Variants in RHOBTB2 observed in about 807,000 individuals in gnomAD.
RHOBTB2 encodes Rho related BTB domain containing 2, also known as rho-related BTB domain-containing protein 2.
Under a neutral mutation model 66.5 loss-of-function variants are expected in RHOBTB2, and 39 were observed. The ratio of observed to expected loss-of-function variants is 0.59; its 90% CI spans 0.45 to 0.77. The LOEUF is 0.77. RHOBTB2 is among the 30% of genes least tolerant of loss of function. The pLI, the probability that RHOBTB2 is intolerant of heterozygous loss-of-function variation, is 0.00. For synonymous variants in RHOBTB2, 390 were observed against 395.0 expected (o/e 0.99, Z 0.15); for missense variants, 755 against 999.1 (o/e 0.76, Z 3.29).
At position 23,006,239 on chromosome 8, in the gene RHOBTB2, C is replaced by A; in HGVS notation, c.482+94C>A. ...GGGGGAATTCCACTGAGCCTCATAT[C>A]TCTCCCTCCATTTGGAGCAAGCTTG... On this transcript the variant is annotated intron_variant, in intron 4 of 9. Transcript: ENST00000251822. The surrounding 1 kb of genome is among the most constrained non-coding windows in gnomAD (Gnocchi z 6.1). The A allele has an allele frequency of 9.3e-7, 1 of 1,079,812 alleles. No individual in the cohort carries two copies. Among genetic ancestry groups the A allele is most frequent in the Admixed American group, 2.2e-5 (1 of 45,646 alleles). The allele number at this position is 1,079,812 out of a possible 1,614,324, so 66.9% of individuals were successfully genotyped here.
the RHOBTB2 span, among the ~76,000 whole-genome samples, chr8:22,978,417 G>A: frequency 3.3e-5 from 5 of 150,620 alleles, no homozygotes; most frequent in Non-Finnish European, 5.9e-5. Context: ...AGCCCGGGAG[G>A]TGGAGCTTGC....
upstream of RHOBTB2, among the ~76,000 whole-genome samples, chr8:22,985,299 G>A (rs1810267862): frequency 6.6e-6 from 1 of 152,266 alleles, no homozygotes; most frequent in South Asian, 2.1e-4. Flanking sequence ...GGGTGAAACA[G>A]TGAAAGGGAG....
chr8:22,994,530 C>T lies in RHOBTB2; in HGVS notation c.-23-31C>T, dbSNP rs3739377. The T allele has an allele frequency of 0.11, 153,684 of 1,384,776 alleles. 9,584 individuals are homozygous for T. Among genetic ancestry groups the T allele is most frequent in the East Asian group, 0.22 (8,953 of 40,160 alleles). 85.8% of individuals were successfully genotyped at this position (1,384,776 alleles called of 1,614,324 possible). ...TTTCTCCCCTCTGTCTCCCCTGCCC[C>T]GCCCCATCCACTCCTGTTCCTCACA... On this transcript the variant is annotated intron_variant, in intron 2 of 11. Coordinates refer to the RHOBTB2 transcript ENST00000519685.
Position 23,004,315 on chromosome 8 carries a change from C to G in RHOBTB2, c.-10-110C>G. 1 of 909,168 alleles carries G rather than the reference C, an allele frequency of 1.1e-6. No homozygotes were observed. The highest frequency in any genetic ancestry group is 1.5e-5 in the South Asian group (1 of 68,156). 56.3% of individuals were successfully genotyped at this position (909,168 alleles called of 1,614,324 possible). A position where few individuals can be genotyped will look rare whatever the true frequency, so the allele number is the denominator to read the frequency against. On this transcript the variant is annotated intron_variant, in intron 1 of 9. Coordinates refer to ENST00000251822, the MANE Select transcript of RHOBTB2 (RefSeq NM_015178.3). The surrounding 1 kb of genome is among the most constrained non-coding windows in gnomAD (Gnocchi z 6.4). ...CACTCCTTCCTCCTCCTGTCAGCTC[C>G]GGGGCTTGCAGAGGGGGCAGCCTGG...
Position 23,017,166 on chromosome 8 carries a change from G to A in RHOBTB2, c.1967-86G>A, listed in dbSNP as rs1280679277. On this transcript the variant is annotated intron_variant, in intron 9 of 9. Transcript: ENST00000251822. This position sits in a 1 kb window ranked among gnomAD's most constrained non-coding sequence, Gnocchi z 5.3. ...GGGCTGGGCTGGAGGCCTGCTGCAG[G>A]CCTTGTGGTGGGGTAGGGCTGGTGT... is the stretch of plus-strand genomic sequence containing the variant. 6 of 1,550,880 alleles carry A rather than the reference G, an allele frequency of 3.9e-6. No individual in the cohort carries two copies. Among genetic ancestry groups the A allele is most frequent in the Non-Finnish European group, 5.3e-6 (6 of 1,137,176 alleles).
intron 7 of RHOBTB2, among the ~76,000 whole-genome samples, chr8:23,012,514 T>C (rs373272886): frequency 1.3e-5 from 2 of 152,256 alleles, no homozygotes; most frequent in Non-Finnish European, 2.9e-5. Context: ...TTGTGACATA[T>C]GCTTCCTATG....
At chr8:23,000,774 A>G (rs967083889) in intron 1 of RHOBTB2, among the ~76,000 whole-genome samples, 13 of 152,086 alleles carry the variant, frequency 8.5e-5, no homozygotes, top group Non-Finnish European at 1.3e-4. Flanking sequence ...CCAATTCTCC[A>G]TTCAATCCAT....
chr8:22,952,213 C>A, the RHOBTB2 span, among the ~76,000 whole-genome samples: 2 of 152,076 alleles, frequency 1.3e-5, no homozygotes, highest in Non-Finnish European at 2.9e-5. Context: ...TCCCACCTGG[C>A]GAGTATCTTG....
In RHOBTB2 at chr8:23,006,102, G is replaced by T; in HGVS notation, c.439G>T (p.Ala147Ser). Reference protein sequence around the residue: ...LVGCQLDLRYADLEAVNRARR... With the variant: ...LVGCQLDLRYSDLEAVNRARR... The stretch of plus-strand genomic sequence containing the variant: ...GGGCTGCCAGTTGGACCTGCGCTAC[G>T]CTGACCTGGAGGCTGTCAACAGGGC... Residue 147 changes from alanine (A) to serine (S), a missense_variant, in exon 4 of 10, where the codon GCT becomes TCT. Ala to Ser is a moderately conservative substitution (Grantham distance 99). Coordinates refer to ENST00000251822, the MANE Select transcript of RHOBTB2 (RefSeq NM_015178.3). This position sits in a 1 kb window ranked among gnomAD's most constrained non-coding sequence, Gnocchi z 6.1. The T allele has an allele frequency of 6.2e-7, 1 of 1,613,998 alleles. No individual in the cohort carries two copies. The highest frequency in any genetic ancestry group is 2.2e-5 in the East Asian group (1 of 44,876).
At chr8:22,951,244 C>CTTTT in the RHOBTB2 span, among the ~76,000 whole-genome samples, 13 of 87,970 alleles carry the variant, frequency 1.5e-4, no homozygotes, top group East Asian at 3.3e-4. Context: ...CTACTTAGCT[C>CTTTT]TTTTTTTTTT....
chr8:23,013,476 G>A (rs1342941238), intron 7 of RHOBTB2, among the ~76,000 whole-genome samples: 2 of 151,852 alleles, frequency 1.3e-5, no homozygotes, highest in Admixed American at 6.6e-5. Flanking sequence ...ACTACAGCAT[G>A]GTTTTTTGCA....
At chr8:22,988,235 C>T (rs1810334401) in intron 1 of RHOBTB2, among the ~76,000 whole-genome samples, 1 of 146,956 alleles carries the variant, frequency 6.8e-6, no homozygotes, top group African/African-American at 2.5e-5. Flanking sequence ...TCTCGGCCCA[C>T]TGCAAACTCC....
the RHOBTB2 span, among the ~76,000 whole-genome samples, chr8:22,960,808 A>T: frequency 1.3e-5 from 2 of 152,318 alleles, no homozygotes; most frequent in East Asian, 3.9e-4. Flanking sequence ...TCTGGGACTC[A>T]CAATCACTTT....
Position 23,007,747 on chromosome 8 carries a change from G to A in RHOBTB2, c.1501+1G>A. 4 of 1,612,762 alleles carry A rather than the reference G, an allele frequency of 2.5e-6. No individual in the cohort carries two copies. Among genetic ancestry groups the A allele is most frequent in the Non-Finnish European group, 3.4e-6 (4 of 1,179,064 alleles). On this transcript the variant is annotated splice_donor_variant, in intron 5 of 9. Transcript: ENST00000251822. LOFTEE classifies it high-confidence loss of function. The stretch of plus-strand genomic sequence containing the variant: ...TGCTTGGCAAAAGGCACCTTCTCAG[G>A]TATGGAACAGGCTTGGAAAGCAAGG...
the RHOBTB2 span, among the ~76,000 whole-genome samples, chr8:22,957,079 G>A: frequency 6.6e-6 from 1 of 152,236 alleles, no homozygotes; most frequent in East Asian, 1.9e-4. Flanking sequence ...GTCTTTCCTT[G>A]TCTTTCATGA....
chr8:22,983,508 A>C (rs1810245106), upstream of RHOBTB2, among the ~76,000 whole-genome samples: 1 of 151,790 alleles, frequency 6.6e-6, no homozygotes, highest in Non-Finnish European at 1.5e-5. Context: ...AAAAAGAAAC[A>C]AAAGAAACGA....
chr8:22,962,870 G>A, the RHOBTB2 span, among the ~76,000 whole-genome samples: 1 of 152,236 alleles, frequency 6.6e-6, no homozygotes, highest in Non-Finnish European at 1.5e-5. Flanking sequence ...AAGAACAAGA[G>A]TGGTAAAAGC....
chr8:23,008,791 G>T (rs1811047371), intron 6 of RHOBTB2, among the ~76,000 whole-genome samples: 1 of 152,130 alleles, frequency 6.6e-6, no homozygotes, highest in Admixed American at 6.5e-5. Context: ...CGGCTCTGGG[G>T]CCTGGATGCT....
rs1811027168 is a variant in RHOBTB2, at chr8:23,008,013, G to T, written c.1522G>T (p.Asp508Tyr). The T allele has an allele frequency of 6.2e-7, 1 of 1,613,876 alleles. No individual in the cohort carries two copies. The highest frequency in any genetic ancestry group is 8.5e-7 in the Non-Finnish European group (1 of 1,179,932). The change falls in exon 6 of 10, where the codon GAT becomes TAT. Residue 508 changes from aspartate (D) to tyrosine (Y), a missense_variant. Asp to Tyr is a radical substitution (Grantham distance 160). Transcript: ENST00000251822. ...TFSDVTFILD[D>Y]GTISAHKPLL... The stretch of plus-strand genomic sequence containing the variant: ...GACAGATGTGACCTTCATCCTGGAT[G>T]ATGGCACCATCAGCGCCCACAAGCC...
Sources: allele counts gnomAD v4.1 joint callset (sites outside exome capture counted in the v4.1 genomes callset), GRCh38; gene constraint gnomAD v4.1.1; non-coding constraint Gnocchi (gnomAD v3.1); transcripts MANE v1.5; gene names NCBI Gene and HGNC (gene_info 2026-07-23, HGNC 2026-07-21).